Variants in IRAG2 observed in about 807,000 individuals in gnomAD.
IRAG2 encodes lymphoid restricted membrane protein.
In IRAG2, 45 loss-of-function variants were observed where a neutral mutation model predicts 69.9. The ratio of observed to expected loss-of-function variants is 0.64; its 90% CI spans 0.51 to 0.83. IRAG2 has a LOEUF of 0.83. IRAG2 is among the 40% of genes least tolerant of loss of function. The pLI, the probability that IRAG2 is intolerant of heterozygous loss-of-function variation, is 0.00. For synonymous variants in IRAG2, 193 were observed against 202.4 expected (o/e 0.95, Z 0.40); for missense variants, 520 against 587.0 (o/e 0.89, Z 1.18).
upstream of IRAG2, among the ~76,000 whole-genome samples, chr12:25,000,423 G>A (rs542339462): frequency 3.3e-5 from 5 of 152,124 alleles, no homozygotes; most frequent in South Asian, 1.0e-3. Flanking sequence ...CTCCAGCCTG[G>A]GTGACAGAGG....
chr12:25,072,159 G>A lies in IRAG2; in HGVS notation c.24+2728G>A, dbSNP rs145082565. 9.4e-3 allele frequency among the ~76,000 whole-genome samples: 1,430 copies of A among 152,106 alleles called. 32 individuals are homozygous for A. Among genetic ancestry groups the A allele is most frequent in the African/African-American group, 0.033 (1,374 of 41,476 alleles). On this transcript the variant is annotated intron_variant, in intron 6 of 21. Transcript: ENST00000556887. ...GGAGGAGGTTGAGTGAGCCGAGATCGTGCCATTGTTCTCCAGCTTGGGCGA... is the reference window on the plus strand; with the variant it reads ...GGAGGAGGTTGAGTGAGCCGAGATCATGCCATTGTTCTCCAGCTTGGGCGA...
chr12:25,014,199 T>G (rs1944502364), intron 3 of IRAG2, among the ~76,000 whole-genome samples: 1 of 151,986 alleles, frequency 6.6e-6, no homozygotes, highest in Non-Finnish European at 1.5e-5. Flanking sequence ...CTTAAGAATT[T>G]AATATTTCCA....
chr12:25,033,935 T>A lies in IRAG2; in HGVS notation c.1731T>A (p.Ala577=), dbSNP rs1944687458. 5 of 398,988 alleles carry A rather than the reference T, an allele frequency of 1.3e-5. No individual in the cohort carries two copies. The East Asian group carries it at 1.8e-4, about 14-fold the overall frequency. The allele number at this position is 398,988 out of a possible 1,614,324, so 24.7% of individuals were successfully genotyped here. ...CTTTACATTACGAACTCACTCTTGC[T>A]CAGTCTGCAGAGGTAGGTCATTATA... is the stretch of plus-strand genomic sequence containing the variant. The change falls in exon 13 of 39, where the codon GCT becomes GCA. Residue 577 remains alanine, a synonymous_variant. Coordinates refer to the IRAG2 transcript ENST00000636465.
chr12:25,053,918 A>C (rs1262564989), intron 1 of IRAG2, among the ~76,000 whole-genome samples: 2 of 152,002 alleles, frequency 1.3e-5, no homozygotes, highest in Non-Finnish European at 2.9e-5. Context: ...TAGGAGTTTA[A>C]GAAATAGTCT....
At chr12:25,009,284 C>A (rs1157245318) in intron 2 of IRAG2, among the ~76,000 whole-genome samples, 1 of 152,156 alleles carries the variant, frequency 6.6e-6, no homozygotes, top group Non-Finnish European at 1.5e-5. Flanking sequence ...CTAGCCTGGG[C>A]AACAGAGTGA....
chr12:25,013,548 T>C (rs1308209422), intron 3 of IRAG2, among the ~76,000 whole-genome samples: 1 of 152,122 alleles, frequency 6.6e-6, no homozygotes, highest in African/African-American at 2.4e-5. Flanking sequence ...ATAAGAAAGA[T>C]AATTAATTGT....
In IRAG2 at chr12:25,038,133, GC is replaced by G. The variant is rs1249967961; in HGVS notation, c.2142del (p.Ser715ValfsTer5). 20 of 398,722 alleles carry G rather than the reference GC, an allele frequency of 5.0e-5. No homozygotes were observed. Among genetic ancestry groups the G allele is most frequent in the African/African-American group, 4.1e-4 (20 of 48,706 alleles). 24.7% of individuals were successfully genotyped at this position (398,722 alleles called of 1,614,324 possible). A position where few individuals can be genotyped will look rare whatever the true frequency, so the allele number is the denominator to read the frequency against. The stretch of plus-strand genomic sequence containing the variant: ...TTTTTATTTCAGAAAAGAATTTCTT[GC>G]CAGGTGATGATCATTTATATATAAG... On this transcript the variant is annotated frameshift_variant, in exon 16 of 39. Transcript: ENST00000636465. LOFTEE classifies it high-confidence loss of function.
At chr12:25,012,991 T>A (rs146468507) in intron 3 of IRAG2, among the ~76,000 whole-genome samples, 5 of 152,270 alleles carry the variant, frequency 3.3e-5, no homozygotes, top group African/African-American at 1.2e-4. Context: ...GTTAGTGTAA[T>A]CAAAAACTGC....
At chr12:25,087,953 A>G in intron 10 of IRAG2, 147 bp from the exon 11 acceptor site, 1 of 621,730 alleles carries the variant, frequency 1.6e-6, no homozygotes, top group East Asian at 2.8e-5. Flanking sequence ...TCTTCCAGGA[A>G]ACTGGTCCCT....
At chr12:25,001,288 TA>T (rs917918314), upstream of IRAG2, among the ~76,000 whole-genome samples, 24 of 150,356 alleles carry the variant, frequency 1.6e-4, no homozygotes, top group Non-Finnish European at 2.7e-4. Flanking sequence ...CAAAAAAAAT[TA>T]AAAAAAAATG....
intron 17 of IRAG2, 97 bp downstream of exon 17, chr12:25,102,338 AT>A: frequency 6.7e-6 from 6 of 894,064 alleles, no homozygotes; most frequent in Non-Finnish European, 1.1e-5. Context: ...AAATAACAAA[AT>A]AGTGATTTTA....
chr12:25,102,164 T>G (rs780058606), intron 16 of IRAG2, 34 bp from the exon 17 acceptor site: 2 of 1,586,646 alleles, frequency 1.3e-6, no homozygotes, highest in Admixed American at 3.3e-5. Context: ...GCATGTGTAA[T>G]AGCTAAAATG....
chr12:25,014,420 A>G (rs1304940216), intron 3 of IRAG2, among the ~76,000 whole-genome samples: 1 of 152,210 alleles, frequency 6.6e-6, no homozygotes, highest in Non-Finnish European at 1.5e-5. Context: ...TGTGACAGAC[A>G]TCTCACAATG....
chr12:25,035,984 C>G (rs1328748804), intron 14 of IRAG2, among the ~76,000 whole-genome samples: 1 of 152,218 alleles, frequency 6.6e-6, no homozygotes, highest in Non-Finnish European at 1.5e-5. Context: ...TCAGGGCTAA[C>G]AGATTGACCA....
upstream of IRAG2, among the ~76,000 whole-genome samples, chr12:25,051,999 A>G (rs1375445061): frequency 6.6e-6 from 1 of 152,196 alleles, no homozygotes; most frequent in East Asian, 1.9e-4. Flanking sequence ...TAAAAGATGA[A>G]ACTAGAAGTC....
chr12:25,031,645 CGTGTGTGT>C (rs377409117), intron 10 of IRAG2, among the ~76,000 whole-genome samples: 1 of 151,250 alleles, frequency 6.6e-6, no homozygotes. Flanking sequence ...CCTTTTTGTC[CGTGTGTGT>C]GTGTGTGTTT....
At chr12:25,052,439 C>T (rs1273151978), upstream of IRAG2, 2 of 389,170 alleles carry the variant, frequency 5.1e-6, no homozygotes, top group Admixed American at 4.5e-5. Context: ...GGAACAACAA[C>T]AACAAACAAA....
At chr12:25,084,456 G>A (rs1015306839) in intron 10 of IRAG2, among the ~76,000 whole-genome samples, 5 of 152,076 alleles carry the variant, frequency 3.3e-5, no homozygotes, top group Non-Finnish European at 5.9e-5. Context: ...AATCATTAAA[G>A]AGTAACTACA....
intron 4 of IRAG2, among the ~76,000 whole-genome samples, chr12:25,064,224 G>T (rs1333579300): frequency 6.6e-6 from 1 of 152,160 alleles, no homozygotes; most frequent in East Asian, 1.9e-4. Flanking sequence ...CATGGAAGAG[G>T]TTAGAGTTGA....
Sources: gnomAD v4.1 joint callset for allele counts (sites outside exome capture counted in the v4.1 genomes callset) on GRCh38, gnomAD v4.1.1 for gene constraint, MANE v1.5 for transcripts, NCBI Gene and HGNC (gene_info 2026-07-23, HGNC 2026-07-21) for gene names.